CSMD3: variants seen among roughly 807,000 people sequenced by gnomAD.
CSMD3 encodes CUB and Sushi multiple domains 3.
A neutral mutation model predicts 435.2 loss-of-function variants in CSMD3; 177 were observed. The observed-to-expected ratio is 0.41, with a 90% CI of 0.36 to 0.46. The LOEUF (loss-of-function observed/expected upper bound fraction) is 0.46. Among genes scored for constraint, CSMD3 ranks in the 20% least tolerant of loss-of-function variants. The pLI is 0.34. For synonymous variants in CSMD3, 1,656 were observed against 1,520.5 expected (o/e 1.09, Z -2.07); for missense variants, 4,265 against 4,504.6 (o/e 0.95, Z 1.52).
chr8:113,399,701 G>A (rs971314390), intron 1 of CSMD3, among the ~76,000 whole-genome samples: 1 of 151,872 alleles, frequency 6.6e-6, no homozygotes, highest in Non-Finnish European at 1.5e-5. Flanking sequence ...TGATGTGTGT[G>A]TTGTGGGGGA....
chr8:113,133,366 C>A (rs72685864), intron 4 of CSMD3, among the ~76,000 whole-genome samples: 14,660 of 152,124 alleles, frequency 0.096, 920 homozygotes, highest in Middle Eastern at 0.17. Flanking sequence ...AAAGAGATAT[C>A]ACCTCACACC....
intron 45 of CSMD3, among the ~76,000 whole-genome samples, chr8:112,323,253 A>G (rs2130885320): frequency 6.6e-6 from 1 of 152,154 alleles, no homozygotes; most frequent in Non-Finnish European, 1.5e-5. Flanking sequence ...GCTTGCAACA[A>G]TTTTGTTTTC....
At chr8:112,629,688 T>A (rs1458826519) in intron 22 of CSMD3, among the ~76,000 whole-genome samples, 7 of 152,190 alleles carry the variant, frequency 4.6e-5, no homozygotes, top group African/African-American at 1.7e-4. Context: ...CAGTGGGCAA[T>A]GTCAAACTTA....
At chr8:112,450,164 A>G (rs1816100946) in intron 32 of CSMD3, among the ~76,000 whole-genome samples, 1 of 152,168 alleles carries the variant, frequency 6.6e-6, no homozygotes, top group African/African-American at 2.4e-5. Flanking sequence ...TCATCTTACA[A>G]ATGAGGAATT....
At chr8:113,399,088 T>C (rs976455992) in intron 1 of CSMD3, among the ~76,000 whole-genome samples, 1 of 71,966 alleles carries the variant, frequency 1.4e-5, no homozygotes. Context: ...CATATATATA[T>C]ATATATATAT....
At chr8:112,552,457 T>C in intron 26 of CSMD3, 137 bp downstream of exon 26, 1 of 809,192 alleles carries the variant, frequency 1.2e-6, no homozygotes, top group Non-Finnish European at 1.9e-6. Context: ...TGCCTTCCGG[T>C]CTGGATGTCA....
chr8:112,320,213 CCTT>C (rs1822865319), intron 45 of CSMD3, among the ~76,000 whole-genome samples: 1 of 152,016 alleles, frequency 6.6e-6, no homozygotes, highest in Non-Finnish European at 1.5e-5. Flanking sequence ...TTATTCTAGT[CCTT>C]CTTGTTATGT....
chr8:112,609,699 C>T (rs1025284735), intron 22 of CSMD3, among the ~76,000 whole-genome samples: 1 of 152,108 alleles, frequency 6.6e-6, no homozygotes, highest in African/African-American at 2.4e-5. Context: ...CTGATATCTG[C>T]ATCCTCATGT....
chr8:112,381,853 C>T (rs1407486599), intron 37 of CSMD3, among the ~76,000 whole-genome samples: 2 of 152,186 alleles, frequency 1.3e-5, no homozygotes, highest in Non-Finnish European at 2.9e-5. Flanking sequence ...CCTCAATTAC[C>T]TACCAGGTCT....
At chr8:113,016,850 T>A (rs1475938493) in intron 6 of CSMD3, among the ~76,000 whole-genome samples, 3 of 151,920 alleles carry the variant, frequency 2.0e-5, no homozygotes, top group Admixed American at 6.6e-5. Flanking sequence ...ATTTAAGTTA[T>A]CTTAGTACAC....
chr8:113,071,379 CA>C (rs1436921111), intron 5 of CSMD3, among the ~76,000 whole-genome samples: 1 of 151,582 alleles, frequency 6.6e-6, no homozygotes, highest in Non-Finnish European at 1.5e-5. Context: ...GTGTCATAGC[CA>C]AAAAAATCAT....
intron 64 of CSMD3, among the ~76,000 whole-genome samples, chr8:112,246,810 G>A (rs535575481): frequency 4.6e-5 from 7 of 152,124 alleles, no homozygotes; most frequent in Non-Finnish European, 8.8e-5. Flanking sequence ...GAACAAAATT[G>A]TGCCTTGTGC....
Position 113,025,434 on chromosome 8 carries a change from ATGGCC to A in CSMD3, c.918-6260_918-6256del, listed in dbSNP as rs1247450285. ...TGGACTGCAAAAACTTACGGTAATA[ATGGCC>A]ACCATGATAGTTTCAGACTACGCAT... is the stretch of plus-strand genomic sequence containing the variant. On this transcript the variant is annotated intron_variant, in intron 5 of 70. Coordinates refer to ENST00000297405, the MANE Select transcript of CSMD3 (RefSeq NM_198123.2). 8.5e-5 allele frequency among the ~76,000 whole-genome samples: 13 copies of A among 152,226 alleles called. 1 individual carries two copies. Among genetic ancestry groups the A allele is most frequent in the African/African-American group, 3.1e-4 (13 of 41,532 alleles).
chr8:112,785,791 G>GA (rs922059319), intron 13 of CSMD3, among the ~76,000 whole-genome samples: 2 of 151,550 alleles, frequency 1.3e-5, no homozygotes, highest in East Asian at 1.9e-4. Context: ...AAAAGAACAG[G>GA]AAAAAAAGGA....
chr8:113,287,889 A>T lies in CSMD3; in HGVS notation c.402-9185T>A, dbSNP rs76922042. Among the ~76,000 whole-genome samples, 92 of 152,118 alleles carry T rather than the reference A, an allele frequency of 6.0e-4. 1 individual carries two copies. In the East Asian group the frequency reaches 0.016, roughly 27 times the overall value. ...AGGCTATCTTTGACCATCAAAAGCC[A>T]GCCTTAAACCTAGAATTCTTATTAT... On this transcript the variant is annotated intron_variant, in intron 2 of 70. Transcript: ENST00000297405.
At chr8:112,518,629 T>TGTGAGAGA (rs774602764) in intron 27 of CSMD3, among the ~76,000 whole-genome samples, 42 of 124,218 alleles carry the variant, frequency 3.4e-4, no homozygotes, top group African/African-American at 1.1e-3. Flanking sequence ...TGTGTGTGTG[T>TGTGAGAGA]GAGAGAGAGA....
chr8:112,255,347 A>G lies in CSMD3; in HGVS notation c.9943T>C (p.Phe3315Leu), dbSNP rs1563694586. Residue 3315 changes from phenylalanine to leucine, a missense_variant, in exon 62 of 71, where the codon TTC becomes CTC. Physicochemically the swap from Phe to Leu is conservative, Grantham distance 22. Coordinates refer to ENST00000297405, the MANE Select transcript of CSMD3 (RefSeq NM_198123.2). ...AATATGAAAGGAAAATTGCAGCTGAATGAAACCTCTGACTGGTATATAAAG... is the reference window on the plus strand; with the variant it reads ...AATATGAAAGGAAAATTGCAGCTGAGTGAAACCTCTGACTGGTATATAAAG... ...KSFIYQSEVS[F>L]SCNFPFILVG... The G allele has an allele frequency of 1.9e-6, 3 of 1,613,742 alleles. No individual in the cohort carries two copies. The Admixed American group carries it at 5.0e-5, about 27-fold the overall frequency.
At chr8:113,397,898 C>T (rs1298376756) in intron 1 of CSMD3, among the ~76,000 whole-genome samples, 1 of 151,594 alleles carries the variant, frequency 6.6e-6, no homozygotes, top group Non-Finnish European at 1.5e-5. Flanking sequence ...AAATAGACAG[C>T]TGAGTTCAAA....
At chr8:113,301,319 T>C (rs1276766166) in intron 2 of CSMD3, among the ~76,000 whole-genome samples, 1 of 152,142 alleles carries the variant, frequency 6.6e-6, no homozygotes, top group Non-Finnish European at 1.5e-5. Flanking sequence ...TAAAATATAG[T>C]AATAGAGAAT....
Sources: gnomAD v4.1 joint callset for allele counts (sites outside exome capture counted in the v4.1 genomes callset) on GRCh38, gnomAD v4.1.1 for gene constraint, MANE v1.5 for transcripts, NCBI Gene and HGNC (gene_info 2026-07-23, HGNC 2026-07-21) for gene names.